The following EIF2B3 variants were observed in gnomAD, a reference collection of about 807,000 sequenced individuals.
EIF2B3 encodes translation initiation factor eIF2B subunit gamma.
Under a neutral mutation model 54.1 loss-of-function variants are expected in EIF2B3, and 20 were observed. That is an observed-to-expected ratio of 0.37 (90% CI 0.26 to 0.54). The LOEUF is 0.54. Ranked by LOEUF, EIF2B3 falls within the 20% of genes least tolerant of loss-of-function variation. The probability of loss-of-function intolerance (pLI) is 0.86; values close to 1 mark genes in which losing one functional copy is unlikely to be tolerated. For synonymous variants in EIF2B3, 153 were observed against 188.1 expected (o/e 0.81, Z 1.52); for missense variants, 448 against 547.8 (o/e 0.82, Z 1.82).
intron 4 of EIF2B3, among the ~76,000 whole-genome samples, chr1:44,933,348 A>G (rs1258383402): frequency 6.6e-6 from 1 of 152,202 alleles, no homozygotes; most frequent in Non-Finnish European, 1.5e-5. Flanking sequence ...GCCAAATACA[A>G]GGTTGCATAC....
At chr1:44,862,075 T>C (rs1654624284) in intron 10 of EIF2B3, among the ~76,000 whole-genome samples, 1 of 152,176 alleles carries the variant, frequency 6.6e-6, no homozygotes, top group Non-Finnish European at 1.5e-5. Flanking sequence ...AGGTTGCCAA[T>C]TGGCAGCAAG....
At chr1:44,962,432 G>A (rs1644295200) in intron 3 of EIF2B3, among the ~76,000 whole-genome samples, 1 of 152,132 alleles carries the variant, frequency 6.6e-6, no homozygotes, top group Admixed American at 6.6e-5. Flanking sequence ...ATTTTTTAGA[G>A]ATGAGTTTCT....
chr1:44,974,473 TAAAAAAAAAAAAAAGAA>T (rs1363840647), intron 3 of EIF2B3, among the ~76,000 whole-genome samples: 3 of 117,232 alleles, frequency 2.6e-5, no homozygotes, highest in Non-Finnish European at 3.6e-5. Context: ...GACCCTGGTC[TAAAAAAAAAAAAAAGAA>T]AAAAAAAGAA....
At chr1:44,852,953 A>G (rs566439397) in intron 11 of EIF2B3, among the ~76,000 whole-genome samples, 5 of 152,284 alleles carry the variant, frequency 3.3e-5, no homozygotes, top group South Asian at 2.1e-4. Flanking sequence ...CTGAATGCAG[A>G]TGAAGGTTGG....
intron 3 of EIF2B3, among the ~76,000 whole-genome samples, chr1:44,968,795 G>T (rs1644370986): frequency 1.3e-5 from 2 of 151,992 alleles, no homozygotes; most frequent in African/African-American, 2.4e-5. Context: ...TACTTGGAAG[G>T]CTGAGGCAGG....
rs1417616061 is a variant in EIF2B3, at chr1:44,927,080, G to A, written c.455-341C>T. ...ACCCGGGAGGTGGAGGTTGCAGTGAGCTGAGATCGTGCCACTGTAGTGCAC... is the reference window on the plus strand; with the variant it reads ...ACCCGGGAGGTGGAGGTTGCAGTGAACTGAGATCGTGCCACTGTAGTGCAC... On this transcript the variant is annotated intron_variant, in intron 4 of 11. Coordinates refer to ENST00000360403, the MANE Select transcript of EIF2B3 (RefSeq NM_020365.5). Among the ~76,000 whole-genome samples, 4 of 151,958 alleles carry A rather than the reference G, an allele frequency of 2.6e-5. No homozygotes were observed. In the East Asian group the frequency reaches 7.7e-4, roughly 29 times the overall value.
chr1:44,879,435 C>T (rs999541181), intron 8 of EIF2B3, among the ~76,000 whole-genome samples: 2 of 152,224 alleles, frequency 1.3e-5, no homozygotes, highest in African/African-American at 4.8e-5. Context: ...CTCAGGGAAG[C>T]CTCCTCTGTA....
intron 1 of EIF2B3, among the ~76,000 whole-genome samples, chr1:44,982,593 A>G (rs1028600977): frequency 1.3e-5 from 2 of 149,000 alleles, no homozygotes; most frequent in African/African-American, 4.9e-5. Flanking sequence ...CCACGTGCCC[A>G]TCCTATTTAT....
At chr1:44,903,270 GCT>G (rs1194828571) in intron 5 of EIF2B3, among the ~76,000 whole-genome samples, 15 of 152,288 alleles carry the variant, frequency 9.8e-5, no homozygotes, top group Admixed American at 2.6e-4. Flanking sequence ...CATGTCCAAA[GCT>G]CTTAGTGACT....
intron 3 of EIF2B3, among the ~76,000 whole-genome samples, chr1:44,956,364 G>T (rs971019592): frequency 6.6e-6 from 1 of 150,514 alleles, no homozygotes; most frequent in Non-Finnish European, 1.5e-5. Context: ...GGGCCTGTCG[G>T]GGGGTGGGGG....
intron 5 of EIF2B3, among the ~76,000 whole-genome samples, chr1:44,909,060 G>A (rs1044251472): frequency 5.3e-5 from 8 of 152,108 alleles, no homozygotes; most frequent in South Asian, 2.1e-4. Flanking sequence ...ATTTATATCC[G>A]TGCATAATAT....
At chr1:44,943,375 T>TATCTA (rs1644060081) in intron 3 of EIF2B3, among the ~76,000 whole-genome samples, 1 of 37,502 alleles carries the variant, frequency 2.7e-5, no homozygotes, top group Admixed American at 1.8e-4. Flanking sequence ...GAACTATCTA[T>TATCTA]ATCTATATCT....
chr1:44,986,180 C>T (rs1476438626), intron 1 of EIF2B3, among the ~76,000 whole-genome samples: 2 of 147,822 alleles, frequency 1.4e-5, no homozygotes, highest in Non-Finnish European at 3.0e-5. Context: ...CACTATGTTG[C>T]CCAGGCTGGA....
At chr1:44,976,717 A>G (rs1644456807) in intron 3 of EIF2B3, among the ~76,000 whole-genome samples, 1 of 152,254 alleles carries the variant, frequency 6.6e-6, no homozygotes, top group Admixed American at 6.5e-5. Flanking sequence ...ACTACTAAGC[A>G]TGAAAAGGAA....
At chr1:44,876,037 C>G (rs910804552) in intron 8 of EIF2B3, among the ~76,000 whole-genome samples, 4 of 152,248 alleles carry the variant, frequency 2.6e-5, no homozygotes. Flanking sequence ...CCGCCAGCCT[C>G]GGCCTCCCGA....
At chr1:44,880,157 C>A in intron 7 of EIF2B3, 149 bp from the exon 8 acceptor site, 1 of 817,346 alleles carries the variant, frequency 1.2e-6, no homozygotes, top group Admixed American at 2.1e-5. Flanking sequence ...CTCAAGGGAT[C>A]CTCCCACCTC....
intron 6 of EIF2B3, among the ~76,000 whole-genome samples, chr1:44,895,013 T>C (rs1408559281): frequency 6.6e-6 from 1 of 152,246 alleles, no homozygotes; most frequent in Non-Finnish European, 1.5e-5. Context: ...ACATTCTAAT[T>C]TGCCCTGCTG....
intron 3 of EIF2B3, among the ~76,000 whole-genome samples, chr1:44,957,506 A>G (rs1320070236): frequency 2.0e-5 from 3 of 152,218 alleles, no homozygotes; most frequent in Non-Finnish European, 4.4e-5. Context: ...CACACCTGTG[A>G]TCCCAGTACT....
At chr1:44,915,364 T>G (rs543793783) in intron 5 of EIF2B3, among the ~76,000 whole-genome samples, 1 of 152,238 alleles carries the variant, frequency 6.6e-6, no homozygotes, top group East Asian at 1.9e-4. Flanking sequence ...TAGGCTGGAA[T>G]GCAATGGCAT....
Sources: allele counts gnomAD v4.1 joint callset (sites outside exome capture counted in the v4.1 genomes callset), GRCh38; gene constraint gnomAD v4.1.1; transcripts MANE v1.5; gene names NCBI Gene and HGNC (gene_info 2026-07-23, HGNC 2026-07-21).